ETFDH: variants seen among roughly 807,000 people sequenced by gnomAD.
ETFDH encodes the protein electron transfer flavoprotein-ubiquinone oxidoreductase, mitochondrial.
A neutral mutation model predicts 73.2 loss-of-function variants in ETFDH; 61 were observed. The observed-to-expected ratio is 0.83, with a 90% CI of 0.68 to 1.03. The LOEUF (loss-of-function observed/expected upper bound fraction) is 1.03, where lower values mean the gene tolerates loss of function less well. ETFDH is among the 50% of genes least tolerant of loss of function. ETFDH has a pLI of 0.00. For synonymous variants in ETFDH, 243 were observed against 253.3 expected, an observed-to-expected ratio of 0.96 and a Z score of 0.39; for missense variants, 685 against 745.0, an observed-to-expected ratio of 0.92 and a Z score of 0.94.
chr4:158,681,173 T>C (rs1020518635), intron 2 of ETFDH, among the ~76,000 whole-genome samples: 1 of 152,216 alleles, frequency 6.6e-6, no homozygotes, highest in African/African-American at 2.4e-5. Context: ...TTGATGACCT[T>C]CCAGTGGGAG....
At position 158,693,488 on chromosome 4, in the gene ETFDH, C is replaced by T. The variant is rs564148243; in HGVS notation, c.685-2009C>T. ...CCTTGAACACTAAAGGGCATGTTAC[C>T]TCTAAGAAGAAACAGAAATATGTTC... On this transcript the variant is annotated intron_variant, in intron 6 of 12. Transcript: ENST00000511912. Among the ~76,000 whole-genome samples the T allele has an allele frequency of 3.3e-5, 5 of 152,246 alleles. No homozygotes were observed. The East Asian group carries it at 9.6e-4, about 29-fold the overall frequency.
intron 2 of ETFDH, 165 bp from the exon 3 acceptor site, chr4:158,682,030 A>G (rs1773872104): frequency 2.3e-6 from 2 of 865,694 alleles, no homozygotes; most frequent in Non-Finnish European, 1.8e-6. Context: ...ACCTAAGAAT[A>G]TAATCATACT....
chr4:158,701,916 ATT>A (rs1193817421), intron 9 of ETFDH, among the ~76,000 whole-genome samples: 1 of 151,930 alleles, frequency 6.6e-6, no homozygotes, highest in African/African-American at 2.4e-5. Flanking sequence ...CCCTTATTAC[ATT>A]GTTTTTTTTA....
In ETFDH at chr4:158,708,581, G is replaced by C; in HGVS notation, c.*54G>C. On this transcript the variant is annotated 3_prime_UTR_variant, in exon 13 of 13. Transcript: ENST00000511912. ...TGGCAAGCTAACGTTAAAATGTTTAGAGATTAACAGATTTCAGAATGTCTT... is the reference window on the plus strand; with the variant it reads ...TGGCAAGCTAACGTTAAAATGTTTACAGATTAACAGATTTCAGAATGTCTT... 2 of 1,384,244 alleles carry C rather than the reference G, an allele frequency of 1.4e-6. No homozygotes were observed. Among genetic ancestry groups the C allele is most frequent in the South Asian group, 2.3e-5 (2 of 86,146 alleles). The allele number at this position is 1,384,244 out of a possible 1,614,324, so 85.7% of individuals were successfully genotyped here.
chr4:158,673,372 C>T (rs908225219), intron 1 of ETFDH, among the ~76,000 whole-genome samples: 3 of 152,090 alleles, frequency 2.0e-5, no homozygotes, highest in African/African-American at 7.3e-5. Context: ...ACCATCGTGA[C>T]AGATGAAGTT....
chr4:158,702,446 C>T (rs1340793131), intron 9 of ETFDH, among the ~76,000 whole-genome samples: 1 of 152,122 alleles, frequency 6.6e-6, no homozygotes, highest in Non-Finnish European at 1.5e-5. Flanking sequence ...TAACCAATCT[C>T]CATATCCCGC....
intron 6 of ETFDH, among the ~76,000 whole-genome samples, chr4:158,691,344 A>T (rs897354923): frequency 6.6e-6 from 1 of 151,444 alleles, no homozygotes; most frequent in Non-Finnish European, 1.5e-5. Flanking sequence ...GTTTGTTTTG[A>T]GACGGAGTTT....
intron 7 of ETFDH, among the ~76,000 whole-genome samples, chr4:158,697,182 C>T (rs1165936202): frequency 2.0e-5 from 3 of 151,922 alleles, no homozygotes; most frequent in Non-Finnish European, 4.4e-5. Flanking sequence ...GCAACTTCTG[C>T]CTCCCGGGTT....
Sources: gnomAD v4.1 joint callset for allele counts (sites outside exome capture counted in the v4.1 genomes callset) on GRCh38, gnomAD v4.1.1 for gene constraint, MANE v1.5 for transcripts, NCBI Gene and HGNC (gene_info 2026-07-23, HGNC 2026-07-21) for gene names.